NRG1: variants seen among roughly 807,000 people sequenced by gnomAD.
The protein encoded by NRG1 is pro-neuregulin-1, membrane-bound isoform.
Under a neutral mutation model 63.8 loss-of-function variants are expected in NRG1, and 18 were observed. The observed-to-expected ratio is 0.28, with a 90% CI of 0.19 to 0.42. NRG1 has a LOEUF of 0.42. NRG1 is among the 10% of genes least tolerant of loss of function. The probability of loss-of-function intolerance (pLI) is 1.00; values close to 1 mark genes in which losing one functional copy is unlikely to be tolerated. For missense variants in NRG1, 762 were observed against 814.7 expected (o/e 0.94, Z 0.79); for synonymous variants, 302 against 301.3 (o/e 1.00, Z -0.02).
chr8:31,976,392 T>A lies in NRG1; in HGVS notation c.37+336961T>A, dbSNP rs544217180. ...GTCTACATATCTTGATTAGCTAATC[T>A]GTATATTAACCATATGTTCTGACAA... On this transcript the variant is annotated intron_variant, in intron 1 of 10. Transcript: ENST00000519301. 1.8e-3 allele frequency among the ~76,000 whole-genome samples: 267 copies of A among 152,280 alleles called. 2 individuals carry two copies. Among genetic ancestry groups the A allele is most frequent in the Non-Finnish European group, 1.8e-3 (125 of 68,008 alleles).
intron 1 of NRG1, among the ~76,000 whole-genome samples, chr8:32,277,048 G>A (rs979149874): frequency 1.1e-4 from 16 of 152,152 alleles, no homozygotes; most frequent in South Asian, 4.1e-4. Flanking sequence ...CGTGATTCCA[G>A]GAAGCTCATC....
At chr8:32,300,777 G>A (rs74354821) in intron 1 of NRG1, among the ~76,000 whole-genome samples, 44,963 of 152,016 alleles carry the variant, frequency 0.3, 7,708 homozygotes, top group South Asian at 0.45. Context: ...GGCTATTTAG[G>A]GGGTTGACAG....
At chr8:32,548,570 AG>A in exon 1 of NRG1, 1 of 1,277,140 alleles carries the variant, frequency 7.8e-7, no homozygotes, top group Non-Finnish European at 9.9e-7. Flanking sequence ...CGCTCCCTGC[AG>A]GCAACGGGAG....
chr8:32,687,303 G>T (rs1810425573), intron 5 of NRG1, among the ~76,000 whole-genome samples: 1 of 152,148 alleles, frequency 6.6e-6, no homozygotes, highest in Admixed American at 6.5e-5. Flanking sequence ...GGAGGAAGGT[G>T]GGTGACTAGA....
chr8:32,344,419 ATGTGTG>A lies in NRG1; in HGVS notation c.38-251375_38-251370del, dbSNP rs397956518. 6.8e-4 allele frequency among the ~76,000 whole-genome samples: 39 copies of A among 57,438 alleles called. 4 individuals carry two copies. Among genetic ancestry groups the A allele is most frequent in the East Asian group, 1.1e-3 (3 of 2,690 alleles). 37.7% of individuals were successfully genotyped at this position (57,438 alleles called of 152,430 possible). A position where few individuals can be genotyped will look rare whatever the true frequency, so the allele number is the denominator to read the frequency against. ...TTTTTGTGCATGCATGCGTGCATGC[ATGTGTG>A]TGTGTGTGTGTGTGTGTGTGTGTGT... is the stretch of plus-strand genomic sequence containing the variant. On this transcript the variant is annotated intron_variant, in intron 1 of 10. Coordinates refer to the NRG1 transcript ENST00000519301.
At chr8:32,127,813 C>T (rs1834295785) in intron 1 of NRG1, among the ~76,000 whole-genome samples, 1 of 151,704 alleles carries the variant, frequency 6.6e-6, no homozygotes, top group Non-Finnish European at 1.5e-5. Flanking sequence ...GCCATTCCAG[C>T]TACTCGGGAA....
intron 1 of NRG1, among the ~76,000 whole-genome samples, chr8:32,087,436 C>G (rs923107867): frequency 6.7e-6 from 1 of 149,088 alleles, no homozygotes; most frequent in Non-Finnish European, 1.5e-5. Context: ...TCAATTAAAC[C>G]TCTTTTATTT....
At chr8:32,388,818 T>G (rs1811351609) in intron 1 of NRG1, among the ~76,000 whole-genome samples, 1 of 152,162 alleles carries the variant, frequency 6.6e-6, no homozygotes, top group African/African-American at 2.4e-5. Flanking sequence ...TGATAAAGTT[T>G]TTTTTGGGGG....
chr8:32,236,433 G>A (rs774094056), intron 1 of NRG1, among the ~76,000 whole-genome samples: 4 of 152,112 alleles, frequency 2.6e-5, no homozygotes, highest in Non-Finnish European at 4.4e-5. Flanking sequence ...TGAACAGAGT[G>A]TGAAGGAATT....
intron 1 of NRG1, among the ~76,000 whole-genome samples, chr8:32,242,556 C>T (rs139480210): frequency 1.7e-3 from 252 of 152,188 alleles, no homozygotes; most frequent in African/African-American, 5.8e-3. Context: ...CAAATAGTGG[C>T]GGTGAAGATG....
chr8:32,576,885 G>T (rs988439520), intron 1 of NRG1, among the ~76,000 whole-genome samples: 2 of 151,902 alleles, frequency 1.3e-5, no homozygotes, highest in African/African-American at 4.8e-5. Flanking sequence ...ATATTGCGTG[G>T]TGCTGAGGTT....
chr8:32,759,377 C>T (rs945113128), exon 10 of NRG1: 2 of 1,613,918 alleles, frequency 1.2e-6, no homozygotes, highest in Non-Finnish European at 1.7e-6. Flanking sequence ...CCTTTTCCAC[C>T]AGTCACTATA....
chr8:32,412,420 C>CATATATATATATATATATATA (rs1815116027), intron 1 of NRG1, among the ~76,000 whole-genome samples: 3 of 41,818 alleles, frequency 7.2e-5, no homozygotes, highest in East Asian at 1.3e-3. Context: ...CTCTCTCTCT[C>CATATATATATATATATATATA]TACATATATA....
intron 9 of NRG1, among the ~76,000 whole-genome samples, chr8:32,758,443 G>A (rs571413817): frequency 1.2e-4 from 18 of 152,016 alleles, no homozygotes; most frequent in African/African-American, 4.3e-4. Context: ...TGGGCATGGT[G>A]GCATATGCCT....
intron 1 of NRG1, among the ~76,000 whole-genome samples, chr8:32,087,499 T>TTTTTTTTA (rs1587007888): frequency 7.0e-6 from 1 of 143,204 alleles, no homozygotes; most frequent in African/African-American, 2.7e-5. Flanking sequence ...TTTTTTTTTT[T>TTTTTTTTA]GAGATGGACT....
At chr8:31,751,211 C>A (rs1335145842) in intron 1 of NRG1, among the ~76,000 whole-genome samples, 1 of 151,988 alleles carries the variant, frequency 6.6e-6, no homozygotes, top group Admixed American at 6.6e-5. Context: ...CTTTGCAACT[C>A]TGAGCCAGTT....
intron 1 of NRG1, among the ~76,000 whole-genome samples, chr8:32,577,165 T>C (rs1315639243): frequency 2.0e-5 from 3 of 152,224 alleles, no homozygotes; most frequent in African/African-American, 7.2e-5. Context: ...TTCCTTTTTA[T>C]GGCTACATGA....
chr8:31,813,513 TTTC>T (rs1248910808), intron 1 of NRG1, among the ~76,000 whole-genome samples: 651 of 60,908 alleles, frequency 0.011, 2 homozygotes, highest in South Asian at 0.055. Flanking sequence ...TTTCTTTTCT[TTTC>T]TTTTTTTTTT....
intron 5 of NRG1, among the ~76,000 whole-genome samples, chr8:32,682,448 A>G (rs931235550): frequency 6.6e-6 from 1 of 152,174 alleles, no homozygotes; most frequent in African/African-American, 2.4e-5. Context: ...TAGTAAATTC[A>G]TTAAACCTTA....
Sources: gnomAD v4.1 joint callset for allele counts (sites outside exome capture counted in the v4.1 genomes callset) on GRCh38, gnomAD v4.1.1 for gene constraint, MANE v1.5 for transcripts, NCBI Gene and HGNC (gene_info 2026-07-23, HGNC 2026-07-21) for gene names.